PTPRD: variants seen among roughly 807,000 people sequenced by gnomAD.
The protein encoded by PTPRD is receptor-type tyrosine-protein phosphatase delta.
PTPRD carries 34 observed loss-of-function variants against 214.5 expected under a neutral mutation model. The observed-to-expected ratio is 0.16, with a 90% CI of 0.12 to 0.21. The LOEUF is 0.21. Among genes scored for constraint, PTPRD ranks in the 10% least tolerant of loss-of-function variants. The pLI, the probability that PTPRD is intolerant of heterozygous loss-of-function variation, is 1.00. For missense variants in PTPRD, 2,545 were observed against 2,398.7 expected (o/e 1.06, Z -1.27); for synonymous variants, 1,128 against 845.7 (o/e 1.33, Z -5.79).
chr9:8,691,399 A>G (rs1239730210), intron 12 of PTPRD, among the ~76,000 whole-genome samples: 1 of 82,304 alleles, frequency 1.2e-5, no homozygotes, highest in African/African-American at 6.6e-5. Context: ...CTCTAGAGAA[A>G]AAAAAAAAAA....
Position 10,491,724 on chromosome 9 carries a change from T to A in PTPRD, c.-600+120674A>T, listed in dbSNP as rs552010652. Among the ~76,000 whole-genome samples, 4 of 152,202 alleles carry A rather than the reference T, an allele frequency of 2.6e-5. 1 individual carries two copies. Among genetic ancestry groups the A allele is most frequent in the African/African-American group, 9.6e-5 (4 of 41,556 alleles). On this transcript the variant is annotated intron_variant, in intron 2 of 45. Coordinates refer to ENST00000381196, the MANE Select transcript of PTPRD (RefSeq NM_002839.4). ...TTTTCAGGGTTTCTTTCTTTTTTTT[T>A]TTATTATACTTTAAGTTCCGGGATA...
chr9:10,152,648 A>T (rs965124903), intron 3 of PTPRD, among the ~76,000 whole-genome samples: 8 of 152,172 alleles, frequency 5.3e-5, no homozygotes, highest in African/African-American at 7.2e-5. Flanking sequence ...CAACATGGAG[A>T]AACCTCACCT....
chr9:9,286,133 C>T (rs1320028624), intron 9 of PTPRD, among the ~76,000 whole-genome samples: 1 of 151,788 alleles, frequency 6.6e-6, no homozygotes, highest in Admixed American at 6.6e-5. Context: ...CTATCCTCTT[C>T]TTTCTCCCAC....
rs960041820 is a variant in PTPRD, at chr9:9,379,206, T to C, written c.-203+18243A>G. On this transcript the variant is annotated intron_variant, in intron 9 of 45. Coordinates refer to ENST00000381196, the MANE Select transcript of PTPRD (RefSeq NM_002839.4). ...ATAGGTCTATGTTGAGATATATATA[T>C]ATATGATATATATTTGATATATTTT... Among the ~76,000 whole-genome samples, 3 of 148,184 alleles carry C rather than the reference T, an allele frequency of 2.0e-5. No individual in the cohort carries two copies. In the South Asian group the frequency reaches 6.2e-4, roughly 31 times the overall value.
intron 3 of PTPRD, among the ~76,000 whole-genome samples, chr9:10,189,966 A>G (rs997572548): frequency 6.6e-6 from 1 of 152,158 alleles, no homozygotes; most frequent in African/African-American, 2.4e-5. Flanking sequence ...GGAGGATCAG[A>G]AAATGGAGGT....
chr9:8,468,584 T>C (rs553199603), intron 31 of PTPRD, among the ~76,000 whole-genome samples: 40 of 152,054 alleles, frequency 2.6e-4, no homozygotes, highest in African/African-American at 9.2e-4. Context: ...GGAAAGCCTC[T>C]TTCAATTTCT....
intron 3 of PTPRD, among the ~76,000 whole-genome samples, chr9:10,196,302 C>G (rs565312030): frequency 6.6e-6 from 1 of 152,136 alleles, no homozygotes; most frequent in East Asian, 1.9e-4. Flanking sequence ...TTTGATGTCA[C>G]TAATAAGAGG....
At chr9:9,915,038 T>C (rs1367109130) in intron 5 of PTPRD, among the ~76,000 whole-genome samples, 2 of 152,112 alleles carry the variant, frequency 1.3e-5, no homozygotes. Flanking sequence ...AATAGCCCGG[T>C]GAGCCAACTT....
At chr9:10,125,294 C>T (rs2098807285) in intron 3 of PTPRD, among the ~76,000 whole-genome samples, 1 of 151,922 alleles carries the variant, frequency 6.6e-6, no homozygotes, top group Non-Finnish European at 1.5e-5. Context: ...CTTCTACTTA[C>T]ATGTTGTGCT....
intron 38 of PTPRD, 39 bp downstream of exon 38, chr9:8,376,568 A>G: frequency 1.2e-6 from 2 of 1,611,504 alleles, no homozygotes; most frequent in Non-Finnish European, 1.7e-6. Context: ...TTTAAACAAT[A>G]GAGAAGGGAA....
chr9:9,643,449 G>C (rs960759619), intron 7 of PTPRD, among the ~76,000 whole-genome samples: 3 of 152,206 alleles, frequency 2.0e-5, no homozygotes, highest in African/African-American at 7.2e-5. Flanking sequence ...ATCTGCACCT[G>C]TTATGGTGGA....
chr9:9,415,457 G>C (rs2142125482), intron 8 of PTPRD, among the ~76,000 whole-genome samples: 1 of 152,244 alleles, frequency 6.6e-6, no homozygotes, highest in South Asian at 2.1e-4. Context: ...CTGGATGACA[G>C]AGCAAGACCC....
intron 11 of PTPRD, among the ~76,000 whole-genome samples, chr9:8,956,650 C>A (rs1264353303): frequency 6.6e-6 from 1 of 151,794 alleles, no homozygotes; most frequent in East Asian, 1.9e-4. Flanking sequence ...ACATGCTTCA[C>A]AACAGGGGAG....
At chr9:9,901,983 C>T (rs7848195) in intron 5 of PTPRD, among the ~76,000 whole-genome samples, 15 of 152,170 alleles carry the variant, frequency 9.9e-5, no homozygotes, top group African/African-American at 3.4e-4. Flanking sequence ...TTTCATATTA[C>T]ATCTTCTATT....
chr9:8,460,813 A>C (rs535432087), intron 32 of PTPRD, among the ~76,000 whole-genome samples: 33 of 152,194 alleles, frequency 2.2e-4, no homozygotes, highest in South Asian at 4.1e-4. Context: ...TTGATAGTAC[A>C]AATTACTTCA....
rs139422413 is a variant in PTPRD, at chr9:9,765,228, C to T, written c.-326+1582G>A. On this transcript the variant is annotated intron_variant, in intron 6 of 45. Transcript: ENST00000381196. ...ATTATCTCAGAAAATTATTAACATA[C>T]GCATTTATAGGAGGCTTTCTTCTTC... is the stretch of plus-strand genomic sequence containing the variant. 8.0e-3 allele frequency among the ~76,000 whole-genome samples: 1,211 copies of T among 152,132 alleles called. 9 individuals are homozygous for T. The highest frequency in any genetic ancestry group is 0.02 in the Middle Eastern group (6 of 294).
At chr9:9,662,848 G>T (rs1041321009) in intron 7 of PTPRD, among the ~76,000 whole-genome samples, 2 of 151,432 alleles carry the variant, frequency 1.3e-5, no homozygotes, top group Admixed American at 1.3e-4. Flanking sequence ...TTGTTTTATT[G>T]CTGTGTACTA....
intron 4 of PTPRD, among the ~76,000 whole-genome samples, chr9:9,988,558 C>G (rs929333727): frequency 6.6e-6 from 1 of 152,076 alleles, no homozygotes; most frequent in Non-Finnish European, 1.5e-5. Flanking sequence ...AGTGCCAGAC[C>G]TAAATCTGTC....
intron 8 of PTPRD, among the ~76,000 whole-genome samples, chr9:9,514,742 C>T (rs2096793159): frequency 6.6e-6 from 1 of 151,992 alleles, no homozygotes; most frequent in Admixed American, 6.6e-5. Context: ...TCCTTGAGGA[C>T]TTCCTTTTCT....
Sources: allele counts gnomAD v4.1 joint callset (sites outside exome capture counted in the v4.1 genomes callset), GRCh38; gene constraint gnomAD v4.1.1; transcripts MANE v1.5; gene names NCBI Gene and HGNC (gene_info 2026-07-23, HGNC 2026-07-21).